Variants in ST3GAL2 observed in about 807,000 individuals in gnomAD.
ST3GAL2 encodes the protein ST3 beta-galactoside alpha-2,3-sialyltransferase 2.
In ST3GAL2, 16 loss-of-function variants were observed where a neutral mutation model predicts 37.5. The ratio of observed to expected loss-of-function variants is 0.43; its 90% CI spans 0.29 to 0.65. The LOEUF (loss-of-function observed/expected upper bound fraction) is 0.65. Ranked by LOEUF, ST3GAL2 falls within the 30% of genes least tolerant of loss-of-function variation. ST3GAL2 has a pLI of 0.17. For missense variants in ST3GAL2, 383 were observed against 487.8 expected (o/e 0.79, Z 2.02); for synonymous variants, 238 against 202.9 (o/e 1.17, Z -1.47).
rs189545825 is a variant in ST3GAL2 at position 70,419,045 on chromosome 16, C to A, written c.-1003-19512G>T. On this transcript the variant is annotated intron_variant, in intron 1 of 6. Coordinates refer to ENST00000342907, the MANE Select transcript of ST3GAL2 (RefSeq NM_006927.4). Reference sequence around the variant, plus strand: ...AGGGAGGGCAGGGCATTCCCTCCCCCTCTCCCAACTCTTGGATGTCAACAT... The same window carrying A: ...AGGGAGGGCAGGGCATTCCCTCCCCATCTCCCAACTCTTGGATGTCAACAT... 2.0e-4 allele frequency among the ~76,000 whole-genome samples: 30 copies of A among 152,308 alleles called. 1 individual carries two copies. The highest frequency in any genetic ancestry group is 8.3e-4 in the South Asian group (4 of 4,834).
At chr16:70,397,768 T>C (rs1271548901) in intron 2 of ST3GAL2, among the ~76,000 whole-genome samples, 4 of 152,026 alleles carry the variant, frequency 2.6e-5, no homozygotes, top group Non-Finnish European at 5.9e-5. Context: ...TTTGAGCCAA[T>C]GTTCATAAAT....
intron 1 of ST3GAL2, among the ~76,000 whole-genome samples, chr16:70,423,455 A>G (rs982000056): frequency 1.4e-4 from 21 of 152,136 alleles, no homozygotes; most frequent in Non-Finnish European, 5.9e-5. Flanking sequence ...GGCTGCAATG[A>G]GCCAAGACCA....
In ST3GAL2 at chr16:70,381,115, G is replaced by T. The variant is rs966389377; in HGVS notation, c.*574C>A. 1.3e-5 allele frequency: 2 copies of T among 152,512 alleles called. No homozygotes were observed. Among genetic ancestry groups the T allele is most frequent in the African/African-American group, 4.8e-5 (2 of 41,422 alleles). 9.4% of individuals were successfully genotyped at this position (152,512 alleles called of 1,614,324 possible). A position where few individuals can be genotyped will look rare whatever the true frequency, so the allele number is the denominator to read the frequency against. On this transcript the variant is annotated 3_prime_UTR_variant, in exon 7 of 7. Coordinates refer to ENST00000342907, the MANE Select transcript of ST3GAL2 (RefSeq NM_006927.4). ...TTCCTGGAGACGCAGGAAGCCCTGG[G>T]GGCGCAGCCATCCCACAGCGCGGCC...
At chr16:70,438,826 T>G (rs2047846268) in intron 1 of ST3GAL2, 123 bp downstream of exon 1, 1 of 151,758 alleles carries the variant, frequency 6.6e-6, no homozygotes, top group Non-Finnish European at 1.5e-5. Flanking sequence ...CGGGGGAAGT[T>G]GCCGGGCTGG....
At chr16:70,414,944 G>A (rs1166473455) in intron 1 of ST3GAL2, among the ~76,000 whole-genome samples, 3 of 152,038 alleles carry the variant, frequency 2.0e-5, no homozygotes, top group Admixed American at 6.6e-5. Context: ...CACGATCTCG[G>A]CTCACTGCAA....
At chr16:70,398,099 T>C in intron 2 of ST3GAL2, 93 bp downstream of exon 2, 1 of 1,362,360 alleles carries the variant, frequency 7.3e-7, no homozygotes. Context: ...ACAGGCATTT[T>C]GTCAAGGCTC....
chr16:70,394,762 G>A (rs1343416204), intron 3 of ST3GAL2, among the ~76,000 whole-genome samples: 2 of 152,210 alleles, frequency 1.3e-5, no homozygotes, highest in African/African-American at 4.8e-5. Flanking sequence ...GAAACAGAGT[G>A]CAGGCCTCAA....
chr16:70,417,797 G>A (rs771151197), intron 1 of ST3GAL2, among the ~76,000 whole-genome samples: 4 of 151,900 alleles, frequency 2.6e-5, no homozygotes, highest in Non-Finnish European at 4.4e-5. Context: ...GAGTGTATGG[G>A]GTGGCATGGC....
chr16:70,421,067 G>C (rs538445563), intron 1 of ST3GAL2, among the ~76,000 whole-genome samples: 32 of 152,240 alleles, frequency 2.1e-4, no homozygotes, highest in Non-Finnish European at 4.4e-4. Context: ...AAGCATCGCT[G>C]TCCTGCACCC....
intron 1 of ST3GAL2, among the ~76,000 whole-genome samples, chr16:70,412,511 G>C (rs967171572): frequency 6.6e-6 from 1 of 152,156 alleles, no homozygotes; most frequent in African/African-American, 2.4e-5. Flanking sequence ...GGGCGTGGTG[G>C]CATGTTTCTG....
chr16:70,390,130 A>G (rs1041450045), intron 3 of ST3GAL2, among the ~76,000 whole-genome samples: 16 of 152,224 alleles, frequency 1.1e-4, no homozygotes, highest in South Asian at 1.0e-3. Context: ...GCTGGAGTGC[A>G]GTGGCACCAT....
intron 1 of ST3GAL2, among the ~76,000 whole-genome samples, chr16:70,410,407 T>C (rs188325775): frequency 3.6e-4 from 54 of 151,440 alleles, no homozygotes; most frequent in Admixed American, 2.3e-3. Context: ...CCCACCACCA[T>C]GCCCGGCTAA....
chr16:70,416,033 C>T (rs1263982133), intron 1 of ST3GAL2, among the ~76,000 whole-genome samples: 3 of 151,990 alleles, frequency 2.0e-5, no homozygotes, highest in Non-Finnish European at 4.4e-5. Flanking sequence ...ACCTCGGCCT[C>T]CCAAAGTGCT....
chr16:70,435,701 G>A (rs2047820312), intron 1 of ST3GAL2, among the ~76,000 whole-genome samples: 1 of 151,890 alleles, frequency 6.6e-6, no homozygotes, highest in Admixed American at 6.6e-5. Flanking sequence ...GGCTGAGACA[G>A]GAGAATCGCT....
At chr16:70,405,370 T>A (rs1444392958) in intron 1 of ST3GAL2, among the ~76,000 whole-genome samples, 1 of 151,238 alleles carries the variant, frequency 6.6e-6, no homozygotes, top group Admixed American at 6.6e-5. Context: ...TGAAACCCCA[T>A]CTCTACTAAA....
chr16:70,389,372 C>T (rs1018338344), intron 3 of ST3GAL2, among the ~76,000 whole-genome samples: 12 of 151,554 alleles, frequency 7.9e-5, no homozygotes, highest in Admixed American at 2.6e-4. Context: ...GGTGCTATCT[C>T]GGCTCACTGC....
At chr16:70,434,319 C>G (rs2047810773) in intron 1 of ST3GAL2, among the ~76,000 whole-genome samples, 1 of 152,104 alleles carries the variant, frequency 6.6e-6, no homozygotes, top group African/African-American at 2.4e-5. Flanking sequence ...TGCCTGTAAT[C>G]CCAGCTACTC....
rs1296502317 is a variant in ST3GAL2, at chr16:70,376,081, C to T, written c.*5608G>A. The T allele has an allele frequency of 6.6e-6, 1 of 152,240 alleles. No individual in the cohort carries two copies. The highest frequency in any genetic ancestry group is 1.5e-5 in the Non-Finnish European group (1 of 68,046). 9.4% of individuals were successfully genotyped at this position (152,240 alleles called of 1,614,324 possible). A position where few individuals can be genotyped will look rare whatever the true frequency, so the allele number is the denominator to read the frequency against. On this transcript the variant is annotated 3_prime_UTR_variant, in exon 7 of 7. Coordinates refer to ENST00000342907, the MANE Select transcript of ST3GAL2 (RefSeq NM_006927.4). Reference sequence around the variant, plus strand: ...CGGTGCCCGTGGTAACAGCGTTTCACAGGAAGCACCGTGGAGACGCAGCCC... The same window carrying T: ...CGGTGCCCGTGGTAACAGCGTTTCATAGGAAGCACCGTGGAGACGCAGCCC...
intron 1 of ST3GAL2, among the ~76,000 whole-genome samples, chr16:70,435,921 T>C (rs1347606633): frequency 6.7e-6 from 1 of 149,168 alleles, no homozygotes; most frequent in African/African-American, 2.5e-5. Flanking sequence ...AGGTCAGGAG[T>C]TCGAGACCAG....
Sources: gnomAD v4.1 joint callset for allele counts (sites outside exome capture counted in the v4.1 genomes callset) on GRCh38, gnomAD v4.1.1 for gene constraint, MANE v1.5 for transcripts, NCBI Gene and HGNC (gene_info 2026-07-23, HGNC 2026-07-21) for gene names.